The following PITPNC1 variants were observed in gnomAD, a reference collection of about 807,000 sequenced individuals.
PITPNC1 encodes the protein phosphatidylinositol transfer protein cytoplasmic 1.
Under a neutral mutation model 44.7 loss-of-function variants are expected in PITPNC1, and 18 were observed. That is an observed-to-expected ratio of 0.40 (90% confidence interval 0.28 to 0.60). The LOEUF (loss-of-function observed/expected upper bound fraction) is 0.60, where lower values mean the gene tolerates loss of function less well. PITPNC1 is among the 20% of genes least tolerant of loss of function. The pLI is 0.39. For missense variants in PITPNC1, 290 were observed against 418.4 expected, an observed-to-expected ratio of 0.69 and a Z score of 2.68; for synonymous variants, 141 against 149.6, an observed-to-expected ratio of 0.94 and a Z score of 0.42.
chr17:67,577,760 C>T (rs2041169492), intron 4 of PITPNC1, among the ~76,000 whole-genome samples: 1 of 151,956 alleles, frequency 6.6e-6, no homozygotes, highest in South Asian at 2.1e-4. Flanking sequence ...CTACTATATC[C>T]CCTTGCTAAT....
At chr17:67,671,434 A>G (rs1369211314) in intron 7 of PITPNC1, among the ~76,000 whole-genome samples, 1 of 152,152 alleles carries the variant, frequency 6.6e-6, no homozygotes, top group Non-Finnish European at 1.5e-5. Flanking sequence ...ATTATTTTGG[A>G]GTCACTGGAA....
At chr17:67,682,027 G>A (rs775027416) in intron 8 of PITPNC1, among the ~76,000 whole-genome samples, 2 of 151,932 alleles carry the variant, frequency 1.3e-5, no homozygotes, top group South Asian at 2.1e-4. Flanking sequence ...GTGAAACCCC[G>A]TCTCTACTAA....
chr17:67,632,634 G>A (rs978405279), intron 6 of PITPNC1, among the ~76,000 whole-genome samples: 1 of 143,936 alleles, frequency 6.9e-6, no homozygotes, highest in African/African-American at 2.6e-5. Flanking sequence ...GTGTGGTGGT[G>A]TGATCTCACT....
intron 2 of PITPNC1, among the ~76,000 whole-genome samples, chr17:67,544,660 CT>C: frequency 6.6e-6 from 1 of 152,358 alleles, no homozygotes; most frequent in Middle Eastern, 3.4e-3. Context: ...CCTCTGATGG[CT>C]TTGGGTAGGA....
chr17:67,620,271 C>T (rs147929347), intron 5 of PITPNC1, among the ~76,000 whole-genome samples: 275 of 152,254 alleles, frequency 1.8e-3, no homozygotes, highest in African/African-American at 6.4e-3. Flanking sequence ...CCCGGCTGGT[C>T]TCGAACTGCT....
At chr17:67,469,354 CAG>C (rs1395988148) in intron 1 of PITPNC1, among the ~76,000 whole-genome samples, 1 of 152,148 alleles carries the variant, frequency 6.6e-6, no homozygotes, top group South Asian at 2.1e-4. Flanking sequence ...GTTTTGAGCT[CAG>C]AGTGTGGGCC....
chr17:67,483,781 C>T (rs1371273416), intron 1 of PITPNC1, among the ~76,000 whole-genome samples: 7 of 152,238 alleles, frequency 4.6e-5, no homozygotes, highest in Middle Eastern at 3.4e-3. Context: ...AGTTTTTCTA[C>T]CTGAAAAACA....
Position 67,471,061 on chromosome 17 carries a change from ACT to A in PITPNC1, c.49-61740_49-61739del, listed in dbSNP as rs1418930424. ...ATCTCAAGTAATCAGGGACACAAACACTGCGGAAGGCCGCAGGGTCCTCTGCC... is the reference window on the plus strand; with the variant it reads ...ATCTCAAGTAATCAGGGACACAAACAGCGGAAGGCCGCAGGGTCCTCTGCC... On this transcript the variant is annotated intron_variant, in intron 1 of 8. Transcript: ENST00000581322. 4.0e-4 allele frequency among the ~76,000 whole-genome samples: 50 copies of A among 124,262 alleles called. 1 individual carries two copies. In the East Asian group the frequency reaches 8.6e-3, roughly 21 times the overall value. 81.5% of individuals were successfully genotyped at this position (124,262 alleles called of 152,430 possible).
chr17:67,427,073 C>T (rs1388651999), intron 1 of PITPNC1, among the ~76,000 whole-genome samples: 1 of 152,156 alleles, frequency 6.6e-6, no homozygotes, highest in Non-Finnish European at 1.5e-5. Context: ...TCTCCTAATC[C>T]TGAAAAAGTC....
chr17:67,400,416 T>C (rs1202182226), intron 1 of PITPNC1, among the ~76,000 whole-genome samples: 1 of 152,238 alleles, frequency 6.6e-6, no homozygotes, highest in East Asian at 1.9e-4. Context: ...CAGGTGGCTG[T>C]GCTTTGGGAA....
chr17:67,675,708 T>C (rs1031251222), intron 8 of PITPNC1, among the ~76,000 whole-genome samples, 166 bp downstream of exon 8: 2 of 152,244 alleles, frequency 1.3e-5, no homozygotes, highest in African/African-American at 4.8e-5. Context: ...GATGTAATTA[T>C]AGAAGCTTGG....
chr17:67,422,400 T>C (rs868610695), intron 1 of PITPNC1, among the ~76,000 whole-genome samples: 1 of 152,164 alleles, frequency 6.6e-6, no homozygotes, highest in Middle Eastern at 3.2e-3. Context: ...CATTATTTAT[T>C]TTTTAAAATA....
Position 67,552,315 on chromosome 17 carries a change from G to T in PITPNC1, c.256G>T (p.Ala86Ser), listed in dbSNP as rs2040777134. The T allele has an allele frequency of 1.3e-6, 2 of 1,599,410 alleles. No homozygotes were observed. The highest frequency in any genetic ancestry group is 1.7e-6 in the Non-Finnish European group (2 of 1,166,784). The part of the protein sequence containing the change: ...VPKIFYVTEK[A>S]WNYYPYTITE... ...CAAAATATTTTATGTGACAGAGAAG[G>T]CTTGGAACTATTATCCCTACACAAT... Residue 86 changes from alanine to serine, a missense_variant, in exon 3 of 9, where the codon GCT (alanine) becomes TCT (serine). Ala to Ser is a moderately conservative substitution (Grantham distance 99). Coordinates refer to ENST00000581322, the MANE Select transcript of PITPNC1 (RefSeq NM_012417.4).
At chr17:67,588,306 G>A (rs1263237138) in intron 5 of PITPNC1, among the ~76,000 whole-genome samples, 1 of 152,134 alleles carries the variant, frequency 6.6e-6, no homozygotes, top group African/African-American at 2.4e-5. Flanking sequence ...GCCCAGCCGT[G>A]AAGTCTGTTT....
At chr17:67,407,155 T>G (rs2038412963) in intron 1 of PITPNC1, among the ~76,000 whole-genome samples, 1 of 152,212 alleles carries the variant, frequency 6.6e-6, no homozygotes. Flanking sequence ...CCAATTTCTC[T>G]ACATCCTGGC....
intron 1 of PITPNC1, among the ~76,000 whole-genome samples, chr17:67,501,977 G>C (rs907998595): frequency 2.0e-5 from 3 of 152,318 alleles, no homozygotes; most frequent in East Asian, 1.9e-4. Context: ...TGACCTATTA[G>C]TGAGTATTAA....
chr17:67,394,878 G>C (rs182960699), intron 1 of PITPNC1, among the ~76,000 whole-genome samples: 2 of 151,618 alleles, frequency 1.3e-5, no homozygotes, highest in East Asian at 3.9e-4. Context: ...CTGGGCAACA[G>C]AGTGAGACCC....
intron 5 of PITPNC1, among the ~76,000 whole-genome samples, chr17:67,630,223 G>C (rs1432190078): frequency 6.6e-6 from 1 of 152,224 alleles, no homozygotes; most frequent in Non-Finnish European, 1.5e-5. Context: ...CGAAGAGTCA[G>C]ATGTAATTAG....
intron 6 of PITPNC1, chr17:67,638,701 A>G (rs1250162740): frequency 6.6e-6 from 1 of 152,222 alleles, no homozygotes; most frequent in South Asian, 2.1e-4. Context: ...GTTCTCAACT[A>G]CAGGCAAATT....
Sources: gnomAD v4.1 joint callset for allele counts (sites outside exome capture counted in the v4.1 genomes callset) on GRCh38, gnomAD v4.1.1 for gene constraint, MANE v1.5 for transcripts, NCBI Gene and HGNC (gene_info 2026-07-23, HGNC 2026-07-21) for gene names.